B3GALT1: variants seen among roughly 807,000 people sequenced by gnomAD.
B3GALT1 encodes the protein beta-1,3-galactosyltransferase 1, also known as UDP-Gal:betaGlcNAc beta 1,3-galactosyltransferase, polypeptide 1.
In B3GALT1, 10 loss-of-function variants were observed where a neutral mutation model predicts 23.2. That is an observed-to-expected ratio of 0.43 (90% CI 0.27 to 0.73). B3GALT1 has a LOEUF of 0.73. Among genes scored for constraint, B3GALT1 ranks in the 30% least tolerant of loss-of-function variants. B3GALT1 has a pLI of 0.21. For missense variants in B3GALT1, 299 were observed against 405.4 expected, an observed-to-expected ratio of 0.74 and a Z score of 2.25; for synonymous variants, 156 against 141.5, an observed-to-expected ratio of 1.10 and a Z score of -0.73.
At chr2:167,615,389 A>G (rs1352236339) in intron 2 of B3GALT1, among the ~76,000 whole-genome samples, 5 of 151,956 alleles carry the variant, frequency 3.3e-5, no homozygotes, top group Non-Finnish European at 7.4e-5. Context: ...GGCCTGGTGG[A>G]GGGTGAGGAG....
At chr2:167,406,577 G>C (rs1523889) in intron 1 of B3GALT1, among the ~76,000 whole-genome samples, 2 of 152,102 alleles carry the variant, frequency 1.3e-5, no homozygotes, top group South Asian at 4.1e-4. Context: ...GAGATGGTCA[G>C]CCGGCTTCCC....
chr2:167,739,926 A>G, intron 3 of B3GALT1, among the ~76,000 whole-genome samples: 1 of 112,918 alleles, frequency 8.9e-6, no homozygotes. Context: ...AGTTGTCTCT[A>G]CAAAAAAACA....
intron 2 of B3GALT1, among the ~76,000 whole-genome samples, chr2:167,551,639 C>T (rs991287287): frequency 6.6e-6 from 1 of 152,066 alleles, no homozygotes; most frequent in African/African-American, 2.4e-5. Flanking sequence ...TCTGTATCCT[C>T]CTGGATGAGG....
intron 3 of B3GALT1, among the ~76,000 whole-genome samples, chr2:167,663,066 A>G (rs9677270): frequency 0.97 from 145,343 of 150,532 alleles, 70,190 homozygotes; most frequent in East Asian, 1. Context: ...ACACTAACTC[A>G]TCATCTAGCA....
At chr2:167,812,123 T>G (rs1688900873) in intron 3 of B3GALT1, among the ~76,000 whole-genome samples, 1 of 152,216 alleles carries the variant, frequency 6.6e-6, no homozygotes, top group Non-Finnish European at 1.5e-5. Flanking sequence ...CAGTGTCATT[T>G]CTCACTAGAG....
intron 1 of B3GALT1, among the ~76,000 whole-genome samples, chr2:167,404,892 G>A (rs1034194850): frequency 2.6e-5 from 4 of 152,144 alleles, no homozygotes; most frequent in Non-Finnish European, 5.9e-5. Context: ...GGTTGTGGCA[G>A]CTAAAGGGCA....
chr2:167,324,216 T>A (rs778641444), intron 1 of B3GALT1, among the ~76,000 whole-genome samples: 21 of 152,070 alleles, frequency 1.4e-4, no homozygotes, highest in Non-Finnish European at 2.8e-4. Context: ...TCCTATAGGG[T>A]ATGGGCCAAA....
chr2:167,545,969 A>T (rs75205951), intron 2 of B3GALT1, among the ~76,000 whole-genome samples: 1 of 152,216 alleles, frequency 6.6e-6, no homozygotes, highest in African/African-American at 2.4e-5. Context: ...TCTTATATAC[A>T]TAGGCTGAAG....
rs770736303 is a variant in B3GALT1 at position 167,610,044 on chromosome 2, C to CA, written c.-409-36857dup. 5.5e-3 allele frequency among the ~76,000 whole-genome samples: 835 copies of CA among 151,466 alleles called. 3 individuals are homozygous for CA. The highest frequency in any genetic ancestry group is 8.0e-3 in the Non-Finnish European group (543 of 67,858). On this transcript the variant is annotated intron_variant, in intron 2 of 4. Coordinates refer to ENST00000392690, the MANE Select transcript of B3GALT1 (RefSeq NM_020981.4). Reference sequence around the variant, plus strand: ...AAAAATATATAGTGCTAAACTTTTGCAAAAAAAATATTTTTTTGAGAGGAA... The same window carrying CA: ...AAAAATATATAGTGCTAAACTTTTGCAAAAAAAAATATTTTTTTGAGAGGAA...
At chr2:167,590,306 A>T (rs1684656589) in intron 2 of B3GALT1, among the ~76,000 whole-genome samples, 2 of 144,818 alleles carry the variant, frequency 1.4e-5, no homozygotes, top group Non-Finnish European at 3.0e-5. Flanking sequence ...AGATCGTGCC[A>T]CTGCACTCCA....
At chr2:167,328,994 G>T (rs937502390) in intron 1 of B3GALT1, among the ~76,000 whole-genome samples, 1 of 151,722 alleles carries the variant, frequency 6.6e-6, no homozygotes, top group Admixed American at 6.6e-5. Flanking sequence ...TGTATTTTTA[G>T]TAGAGACAGG....
In B3GALT1 at chr2:167,584,801, A is replaced by G. The variant is rs112503050; in HGVS notation, c.-409-62108A>G. Among the ~76,000 whole-genome samples, 304 of 152,266 alleles carry G rather than the reference A, an allele frequency of 2.0e-3. 3 individuals are homozygous for G. The highest frequency in any genetic ancestry group is 3.4e-3 in the Non-Finnish European group (232 of 68,006). The stretch of plus-strand genomic sequence containing the variant: ...GGATGCATAGGGCAAGGCATATGGA[A>G]AGGGGCACGGAGCTTACTTGCCCTC... On this transcript the variant is annotated intron_variant, in intron 2 of 4. Transcript: ENST00000392690.
rs116625584 is a variant in B3GALT1 at position 167,441,395 on chromosome 2, C to A, written c.-510-48782C>A. On this transcript the variant is annotated intron_variant, in intron 1 of 4. Coordinates refer to ENST00000392690, the MANE Select transcript of B3GALT1 (RefSeq NM_020981.4). ...TTTTATTAATGGGCCCACTGATAGC[C>A]CACCCTTCAGCCTTTCTCCCAGTCT... Among the ~76,000 whole-genome samples the A allele has an allele frequency of 4.2e-3, 646 of 152,212 alleles. 3 individuals carry two copies. The highest frequency in any genetic ancestry group is 7.2e-3 in the Non-Finnish European group (492 of 68,024).
At chr2:167,485,255 G>A (rs750014168) in intron 1 of B3GALT1, among the ~76,000 whole-genome samples, 1 of 152,050 alleles carries the variant, frequency 6.6e-6, no homozygotes, top group Non-Finnish European at 1.5e-5. Flanking sequence ...TTATGGGTGA[G>A]AAAATTCTGC....
chr2:167,816,428 A>G (rs1327105667), intron 3 of B3GALT1, among the ~76,000 whole-genome samples: 1 of 152,002 alleles, frequency 6.6e-6, no homozygotes, highest in Non-Finnish European at 1.5e-5. Flanking sequence ...TTAGCTATTT[A>G]CACATTTTCC....
At chr2:167,634,894 A>G (rs140581217) in intron 2 of B3GALT1, among the ~76,000 whole-genome samples, 5,654 of 152,196 alleles carry the variant, frequency 0.037, 362 homozygotes, top group African/African-American at 0.13. Context: ...GAGACACAAC[A>G]AAAAAAGAAA....
intron 1 of B3GALT1, among the ~76,000 whole-genome samples, chr2:167,318,172 C>A (rs1345241328): frequency 1.3e-5 from 2 of 151,738 alleles, no homozygotes; most frequent in Non-Finnish European, 2.9e-5. Context: ...ACTAAAAATA[C>A]AAAAATTAGC....
intron 1 of B3GALT1, among the ~76,000 whole-genome samples, chr2:167,431,485 T>C (rs1698702996): frequency 6.6e-6 from 1 of 152,252 alleles, no homozygotes; most frequent in South Asian, 2.1e-4. Context: ...GATGTCATGT[T>C]TAAATGACAG....
chr2:167,493,986 G>A lies in B3GALT1; in HGVS notation c.-410+3709G>A, dbSNP rs192685918. Among the ~76,000 whole-genome samples the A allele has an allele frequency of 8.5e-5, 13 of 152,194 alleles. No homozygotes were observed. In the East Asian group the frequency reaches 2.5e-3, roughly 29 times the overall value. The stretch of plus-strand genomic sequence containing the variant: ...TTACAATTTCTATCCCTTCAGTGTG[G>A]TTTATGTTAGAAGTACTCCTGAGAC... On this transcript the variant is annotated intron_variant, in intron 2 of 4. Coordinates refer to ENST00000392690, the MANE Select transcript of B3GALT1 (RefSeq NM_020981.4).
Sources: gnomAD v4.1 joint callset for allele counts (sites outside exome capture counted in the v4.1 genomes callset) on GRCh38, gnomAD v4.1.1 for gene constraint, MANE v1.5 for transcripts, NCBI Gene and HGNC (gene_info 2026-07-23, HGNC 2026-07-21) for gene names.